Variants in MSN observed in about 807,000 individuals in gnomAD.
MSN encodes epididymis luminal protein 70.
Under a neutral mutation model 48.0 loss-of-function variants are expected in MSN, and 2 were observed. That is an observed-to-expected ratio of 0.04 (90% CI 0.02 to 0.13). The LOEUF is 0.13. MSN is among the 10% of genes least tolerant of loss of function. The pLI is 1.00. For synonymous variants in MSN, 146 were observed against 166.9 expected (o/e 0.87, Z 0.97); for missense variants, 267 against 470.1 (o/e 0.57, Z 3.99).
At chrX:65,612,873 G>C (rs190183160) in intron 1 of MSN, among the ~76,000 whole-genome samples, 1,997 of 106,542 alleles carry the variant, frequency 0.019, 22 homozygotes, top group Non-Finnish European at 0.028. Flanking sequence ...TTTGGGGGGG[G>C]GTACGATACA....
At chrX:65,635,477 G>A (rs920550649) in intron 1 of MSN, among the ~76,000 whole-genome samples, 1 of 111,893 alleles carries the variant, frequency 8.9e-6, no homozygotes, top group Non-Finnish European at 1.9e-5. Flanking sequence ...TAAGGAAAAA[G>A]GAGGGAAAGC....
chrX:65,711,825 A>G (rs1270948312), intron 1 of MSN, among the ~76,000 whole-genome samples: 1 of 111,790 alleles, frequency 8.9e-6, no homozygotes, highest in Non-Finnish European at 1.9e-5. Flanking sequence ...GTATGTGTAT[A>G]TTATGCTGTA....
intron 1 of MSN, among the ~76,000 whole-genome samples, chrX:65,591,740 C>G (rs1400032748): frequency 9.0e-6 from 1 of 111,376 alleles, no homozygotes; most frequent in Non-Finnish European, 1.9e-5. Flanking sequence ...CTACCCCAGG[C>G]CTTTTTCTTA....
At chrX:65,628,934 C>T (rs756784310) in intron 1 of MSN, among the ~76,000 whole-genome samples, 9 of 108,944 alleles carry the variant, frequency 8.3e-5, no homozygotes, top group South Asian at 4.1e-4. Context: ...GGCGTGATGG[C>T]GGGTATCTAT....
chrX:65,684,434 CT>C (rs1357471223), intron 1 of MSN, among the ~76,000 whole-genome samples: 3 of 106,883 alleles, frequency 2.8e-5, no homozygotes, highest in Non-Finnish European at 3.9e-5. Context: ...ACATTAAAAT[CT>C]TTTTTTTCTT....
chrX:65,617,118 A>T (rs1172427143), intron 1 of MSN, among the ~76,000 whole-genome samples: 8 of 106,461 alleles, frequency 7.5e-5, no homozygotes, highest in Admixed American at 4.9e-4. Flanking sequence ...CCAGTATTTT[A>T]TTGAGGATTT....
At chrX:65,632,567 G>C (rs1443610440) in intron 1 of MSN, among the ~76,000 whole-genome samples, 1 of 112,071 alleles carries the variant, frequency 8.9e-6, no homozygotes. Context: ...GAGTGATTCA[G>C]TTTCTTCACA....
rs930152031 is a variant in MSN at position 65,667,713 on chromosome X, G to T, written c.-129G>T. On this transcript the variant is annotated 5_prime_UTR_variant, in exon 1 of 13. Transcript: ENST00000360270. Reference sequence around the variant, plus strand: ...CCCGTTAGCAGGAAGCCTAACAGTCGCCCCGACGCTAGTGAGGGACCCAAT... The same window carrying T: ...CCCGTTAGCAGGAAGCCTAACAGTCTCCCCGACGCTAGTGAGGGACCCAAT... The T allele has an allele frequency of 7.1e-5, 80 of 1,123,048 alleles. No homozygotes were observed. The highest frequency in any genetic ancestry group is 9.3e-5 in the Non-Finnish European group (79 of 845,489). The allele number at this position is 1,123,048 out of a possible 1,213,427, so 92.6% of individuals were successfully genotyped here.
Position 65,733,261 on chromosome X carries a change from C to T in MSN, c.776C>T (p.Pro259Leu). The change falls in exon 7 of 13, where the codon CCC (proline) becomes CTC (leucine). Residue 259 changes from proline to leucine, a missense_variant. By Grantham distance (98) the Pro-to-Leu change is moderately conservative. Transcript: ENST00000360270. The stretch of plus-strand genomic sequence containing the variant: ...AATGATAAGAAATTTGTCATCAAGC[C>T]CATTGACAAAAAAGCCCCGGTGAGT... Reference protein sequence around the residue: ...SFNDKKFVIKPIDKKAPDFVF... With the variant: ...SFNDKKFVIKLIDKKAPDFVF... The T allele has an allele frequency of 8.3e-7, 1 of 1,210,294 alleles. No homozygotes were observed. The highest frequency in any genetic ancestry group is 1.1e-6 in the Non-Finnish European group (1 of 894,235).
chrX:65,663,662 T>C (rs1332910748), upstream of MSN, among the ~76,000 whole-genome samples: 1 of 111,714 alleles, frequency 9.0e-6, no homozygotes, highest in Non-Finnish European at 1.9e-5. Context: ...TGGACTTGCA[T>C]GTTCATAGCA....
chrX:65,614,837 G>C lies in MSN; in HGVS notation c.-22+26225G>C, dbSNP rs1408597690. ...TCATCTAGCATTAGGTATATCTCCC[G>C]ATGCTATCCCTCCCCCCTCCCCCCA... On this transcript the variant is annotated intron_variant, in intron 1 of 3. Coordinates refer to the MSN transcript ENST00000609672. Among the ~76,000 whole-genome samples the C allele has an allele frequency of 4.5e-3, 381 of 84,559 alleles. 4 individuals carry two copies. Among genetic ancestry groups the C allele is most frequent in the African/African-American group, 0.015 (335 of 23,069 alleles). 73.4% of individuals were successfully genotyped at this position (84,559 alleles called of 115,157 possible).
chrX:65,662,673 C>T (rs2070832956), upstream of MSN, among the ~76,000 whole-genome samples: 1 of 112,430 alleles, frequency 8.9e-6, no homozygotes. Context: ...AGATCTCAAA[C>T]TATAAAAATC....
intron 1 of MSN, chrX:65,593,322 A>G (rs2070162915): frequency 9.0e-6 from 1 of 111,151 alleles, no homozygotes; most frequent in Admixed American, 9.6e-5. Flanking sequence ...AAGTACCCCA[A>G]GCAACTAGTC....
intron 2 of MSN, among the ~76,000 whole-genome samples, chrX:65,726,207 A>G (rs150676424): frequency 1.9e-3 from 216 of 111,527 alleles, no homozygotes; most frequent in Middle Eastern, 0.014. Context: ...TGGATGGGAA[A>G]TTTGGGCCAA....
At chrX:65,739,463 C>CA (rs1180365010) in intron 12 of MSN, among the ~76,000 whole-genome samples, 2 of 112,053 alleles carry the variant, frequency 1.8e-5, no homozygotes, top group Non-Finnish European at 3.8e-5. Flanking sequence ...ATCTAGCTGA[C>CA]AAAATTCCCA....
intron 1 of MSN, among the ~76,000 whole-genome samples, chrX:65,595,918 C>T (rs1201850758): frequency 9.0e-6 from 1 of 111,665 alleles, no homozygotes. Flanking sequence ...AAGCATCTAA[C>T]CCAAATGCCT....
chrX:65,680,831 C>G lies in MSN; in HGVS notation c.12+12978C>G, dbSNP rs749883033. On this transcript the variant is annotated intron_variant, in intron 1 of 12. Coordinates refer to ENST00000360270, the MANE Select transcript of MSN (RefSeq NM_002444.3). Reference sequence around the variant, plus strand: ...TGGTCCAATCTTGGCTCACTGCAACCTCCACCTCCTGGGTTCAAGCGATTC... The same window carrying G: ...TGGTCCAATCTTGGCTCACTGCAACGTCCACCTCCTGGGTTCAAGCGATTC... 1.8e-3 allele frequency among the ~76,000 whole-genome samples: 200 copies of G among 111,584 alleles called. 2 individuals are homozygous for G. The highest frequency in any genetic ancestry group is 6.3e-3 in the African/African-American group (194 of 30,676).
intron 1 of MSN, chrX:65,589,197 T>TCCCCA (rs770224785): frequency 8.6e-6 from 1 of 116,099 alleles, no homozygotes; most frequent in Non-Finnish European, 1.7e-5. Flanking sequence ...TTTACTTCTT[T>TCCCCA]CCCCACCCCA....
intron 1 of MSN, among the ~76,000 whole-genome samples, chrX:65,651,520 G>A (rs2070741748): frequency 9.4e-6 from 1 of 106,230 alleles, no homozygotes; most frequent in Non-Finnish European, 1.9e-5. Flanking sequence ...TGTGGGGGAT[G>A]TATTCTATTT....
Sources: gnomAD v4.1 joint callset for allele counts (sites outside exome capture counted in the v4.1 genomes callset) on GRCh38, gnomAD v4.1.1 for gene constraint, MANE v1.5 for transcripts, NCBI Gene and HGNC (gene_info 2026-07-23, HGNC 2026-07-21) for gene names.